PRKD1: variants seen among roughly 807,000 people sequenced by gnomAD.
PRKD1 encodes the protein serine/threonine-protein kinase D1.
In PRKD1, 63 loss-of-function variants were observed where a neutral mutation model predicts 95.9. The observed-to-expected ratio is 0.66, with a 90% CI of 0.54 to 0.81. PRKD1 has a LOEUF of 0.81. Ranked by LOEUF, PRKD1 falls within the 30% of genes least tolerant of loss-of-function variation. The pLI is 0.00. For synonymous variants in PRKD1, 425 were observed against 423.1 expected (o/e 1.00, Z -0.05); for missense variants, 1,048 against 1,165.3 (o/e 0.90, Z 1.47).
chr14:29,644,601 T>A (rs576305277), intron 4 of PRKD1, among the ~76,000 whole-genome samples: 10 of 151,762 alleles, frequency 6.6e-5, no homozygotes, highest in East Asian at 3.9e-4. Flanking sequence ...AAAAAAAAAA[T>A]TTAAAAACTT....
intron 2 of PRKD1, among the ~76,000 whole-genome samples, chr14:29,670,727 C>A (rs2139232178): frequency 6.6e-6 from 1 of 152,240 alleles, no homozygotes; most frequent in East Asian, 1.9e-4. Context: ...ACCTAACCCC[C>A]AAGGTTGGTC....
intron 2 of PRKD1, among the ~76,000 whole-genome samples, chr14:29,703,301 G>A (rs1229895329): frequency 6.6e-6 from 1 of 152,130 alleles, no homozygotes; most frequent in Non-Finnish European, 1.5e-5. Context: ...AGCCTTCAAG[G>A]AATCCACTTC....
At chr14:29,836,271 A>G (rs1184941880) in intron 1 of PRKD1, among the ~76,000 whole-genome samples, 2 of 152,230 alleles carry the variant, frequency 1.3e-5, no homozygotes. Flanking sequence ...CTATCTGGCG[A>G]ACTGTGAAGA....
At chr14:29,630,290 A>C (rs1211633295) in intron 10 of PRKD1, among the ~76,000 whole-genome samples, 1 of 151,816 alleles carries the variant, frequency 6.6e-6, no homozygotes, top group Non-Finnish European at 1.5e-5. Context: ...CAGGCGCATG[A>C]CACTATGCCT....
At chr14:29,679,519 T>C (rs1219132338) in intron 2 of PRKD1, among the ~76,000 whole-genome samples, 3 of 152,156 alleles carry the variant, frequency 2.0e-5, no homozygotes, top group African/African-American at 4.8e-5. Context: ...TTTTATTTAG[T>C]AGATTCATAG....
intron 2 of PRKD1, among the ~76,000 whole-genome samples, chr14:29,676,192 T>TTGTTTTTTTTTG (rs61509628): frequency 1.7e-4 from 22 of 128,526 alleles, no homozygotes; most frequent in African/African-American, 3.7e-4. Context: ...TGTTTTTTTT[T>TTGTTTTTTTTTG]TTTTTTTTTT....
chr14:29,588,989 T>C (rs937301605), intron 16 of PRKD1, among the ~76,000 whole-genome samples: 1 of 152,076 alleles, frequency 6.6e-6, no homozygotes, highest in Admixed American at 6.6e-5. Context: ...AATGATCTTC[T>C]GTCTGCAGGG....
At chr14:29,910,229 C>T (rs950592340) in intron 1 of PRKD1, among the ~76,000 whole-genome samples, 8 of 152,080 alleles carry the variant, frequency 5.3e-5, no homozygotes, top group Admixed American at 5.2e-4. Context: ...ATGAACAACT[C>T]CGGATGGGAG....
At chr14:29,857,653 A>T (rs78223740) in intron 1 of PRKD1, among the ~76,000 whole-genome samples, 1,612 of 152,336 alleles carry the variant, frequency 0.011, 24 homozygotes, top group African/African-American at 0.037. Context: ...ACTTAGAAGA[A>T]GTTGTTCAGT....
chr14:29,813,904 T>C (rs939858282), intron 1 of PRKD1, among the ~76,000 whole-genome samples: 13 of 152,206 alleles, frequency 8.5e-5, no homozygotes, highest in African/African-American at 3.1e-4. Context: ...AAGTTAGGGA[T>C]CAAATTAGTT....
chr14:29,755,542 G>A (rs1887658886), intron 1 of PRKD1, among the ~76,000 whole-genome samples: 2 of 152,062 alleles, frequency 1.3e-5, no homozygotes, highest in South Asian at 2.1e-4. Flanking sequence ...TGGTTGATAC[G>A]GCTTTGTGTA....
intron 2 of PRKD1, among the ~76,000 whole-genome samples, chr14:29,701,362 A>G (rs952849808): frequency 1.3e-5 from 2 of 152,308 alleles, no homozygotes; most frequent in African/African-American, 4.8e-5. Flanking sequence ...AGTACACTTG[A>G]GAAGCAATGC....
intron 1 of PRKD1, among the ~76,000 whole-genome samples, chr14:29,727,394 G>GT (rs568563940): frequency 0.17 from 24,609 of 148,386 alleles, 2,312 homozygotes; most frequent in South Asian, 0.24. Flanking sequence ...AAGCTCTTTA[G>GT]TTAATTAGAT....
At chr14:29,811,206 G>T (rs1430063584) in intron 1 of PRKD1, among the ~76,000 whole-genome samples, 2 of 152,170 alleles carry the variant, frequency 1.3e-5, no homozygotes, top group Admixed American at 1.3e-4. Flanking sequence ...AACCTGCCAT[G>T]GTGTTATTTG....
At chr14:29,691,792 C>T (rs1884251910) in intron 2 of PRKD1, among the ~76,000 whole-genome samples, 1 of 152,096 alleles carries the variant, frequency 6.6e-6, no homozygotes, top group African/African-American at 2.4e-5. Context: ...ACTTTTTCAG[C>T]ACTTAATATT....
chr14:29,788,172 G>T (rs1889359907), intron 1 of PRKD1, among the ~76,000 whole-genome samples: 1 of 152,100 alleles, frequency 6.6e-6, no homozygotes, highest in Non-Finnish European at 1.5e-5. Flanking sequence ...TATTTTTGAA[G>T]GAGAGTTTTT....
chr14:29,865,311 T>A (rs1287019258), intron 1 of PRKD1, among the ~76,000 whole-genome samples: 2 of 152,182 alleles, frequency 1.3e-5, no homozygotes, highest in Non-Finnish European at 2.9e-5. Context: ...TAGGTTTTTT[T>A]AAAATGGTGC....
intron 2 of PRKD1, among the ~76,000 whole-genome samples, chr14:29,689,685 G>A (rs1209615708): frequency 1.3e-5 from 2 of 152,220 alleles, no homozygotes; most frequent in Admixed American, 1.3e-4. Context: ...TATGTTCATT[G>A]CAGCACTCTT....
intron 1 of PRKD1, among the ~76,000 whole-genome samples, chr14:29,814,701 G>A (rs144674621): frequency 0.02 from 3,018 of 152,170 alleles, 105 homozygotes; most frequent in Admixed American, 0.086. Context: ...ATGATTCCCT[G>A]CTGCCTCCAT....
Sources: allele counts gnomAD v4.1 joint callset (sites outside exome capture counted in the v4.1 genomes callset), GRCh38; gene constraint gnomAD v4.1.1; transcripts MANE v1.5; gene names NCBI Gene and HGNC (gene_info 2026-07-23, HGNC 2026-07-21).